Variants in SH3PXD2A observed in about 807,000 individuals in gnomAD.
The protein encoded by SH3PXD2A is SH3 and PX domain-containing protein 2A.
In SH3PXD2A, 32 loss-of-function variants were observed where a neutral mutation model predicts 115.2. The observed-to-expected ratio is 0.28, with a 90% confidence interval of 0.21 to 0.37. SH3PXD2A has a LOEUF of 0.37. Ranked by LOEUF, SH3PXD2A falls within the 10% of genes least tolerant of loss-of-function variation. The pLI is 1.00. For synonymous variants in SH3PXD2A, 610 were observed against 629.1 expected, an observed-to-expected ratio of 0.97 and a Z score of 0.45; for missense variants, 1,328 against 1,498.7, an observed-to-expected ratio of 0.89 and a Z score of 1.88.
At position 103,694,126 on chromosome 10, in the gene SH3PXD2A, G is replaced by C. The variant is rs1360217508; in HGVS notation, c.399-1070C>G. Among the ~76,000 whole-genome samples, 4 of 152,240 alleles carry C rather than the reference G, an allele frequency of 2.6e-5. No individual in the cohort carries two copies. In the South Asian group the frequency reaches 8.3e-4, roughly 31 times the overall value. ...CTAAAGGCTGAAAGTTCTGTTCAGT[G>C]CTCAGGGAACAGTGGAGGGGCTGGC... On this transcript the variant is annotated intron_variant, in intron 5 of 14. Transcript: ENST00000369774.
At position 103,594,078 on chromosome 10, in the gene SH3PXD2A, G is replaced by A. The variant is rs960680502; in HGVS notation, c.*7738C>T. 4 of 152,534 alleles carry A rather than the reference G, an allele frequency of 2.6e-5. No homozygotes were observed. Among genetic ancestry groups the A allele is most frequent in the African/African-American group, 9.7e-5 (4 of 41,422 alleles). The allele number at this position is 152,534 out of a possible 1,614,324, so 9.4% of individuals were successfully genotyped here. Reference sequence around the variant, plus strand: ...TTTAGTTTTCAGGGAAATATAAGATGCATGTAAACATAAAATACAAAACAA... The same window carrying A: ...TTTAGTTTTCAGGGAAATATAAGATACATGTAAACATAAAATACAAAACAA... On this transcript the variant is annotated 3_prime_UTR_variant, in exon 15 of 15. Transcript: ENST00000369774.
chr10:103,689,974 G>A lies in SH3PXD2A; in HGVS notation c.427+3054C>T, dbSNP rs561282009. Among the ~76,000 whole-genome samples the A allele has an allele frequency of 2.0e-5, 3 of 152,192 alleles. No homozygotes were observed. In the South Asian group the frequency reaches 6.2e-4, roughly 32 times the overall value. On this transcript the variant is annotated intron_variant, in intron 6 of 14. Transcript: ENST00000369774. ...CCAGAATGGCATCCATTTCCTCTGC[G>A]CAAATGTCCCTGGCTGGAGTGACCC... is the stretch of plus-strand genomic sequence containing the variant.
Position 103,617,203 on chromosome 10 carries a change from T to C in SH3PXD2A, c.914A>G (p.Tyr305Cys), listed in dbSNP as rs1187868099. Reference protein sequence around the residue: ...VIRKNLEGWWYIRYLGKEGWA... With the variant: ...VIRKNLEGWWCIRYLGKEGWA... Reference sequence around the variant, plus strand: ...TAATGTAAGGGTTCCCTACCTGATATACCACCAGCCTTCCAGATTCTTCCG... The same window carrying C: ...TAATGTAAGGGTTCCCTACCTGATACACCACCAGCCTTCCAGATTCTTCCG... The change falls in exon 11 of 15, where the codon TAT becomes TGT. Residue 305 changes from tyrosine to cysteine, a missense_variant. Coordinates refer to ENST00000369774, the MANE Select transcript of SH3PXD2A (RefSeq NM_001394015.1). The C allele has an allele frequency of 6.2e-7, 1 of 1,611,214 alleles. No homozygotes were observed. Among genetic ancestry groups the C allele is most frequent in the Non-Finnish European group, 8.5e-7 (1 of 1,177,434 alleles).
intron 5 of SH3PXD2A, among the ~76,000 whole-genome samples, chr10:103,719,789 G>A (rs966189485): frequency 7.3e-6 from 1 of 136,702 alleles, no homozygotes; most frequent in African/African-American, 2.9e-5. Flanking sequence ...GTGCGATCTC[G>A]GCTCACTGCA....
rs190701153 is a variant in SH3PXD2A at position 103,756,178 on chromosome 10, G to A, written c.229+10916C>T. On this transcript the variant is annotated intron_variant, in intron 3 of 14. Coordinates refer to ENST00000369774, the MANE Select transcript of SH3PXD2A (RefSeq NM_001394015.1). This position sits in a 1 kb window ranked among gnomAD's most constrained non-coding sequence, Gnocchi z 4.4. ...AGGAGGTATTTTCAGCGCCCAGAACGATGGATCTGCTGGGTGCCAGGCAGC... is the reference window on the plus strand; with the variant it reads ...AGGAGGTATTTTCAGCGCCCAGAACAATGGATCTGCTGGGTGCCAGGCAGC... Among the ~76,000 whole-genome samples, 18 of 152,230 alleles carry A rather than the reference G, an allele frequency of 1.2e-4. No individual in the cohort carries two copies. The highest frequency in any genetic ancestry group is 3.9e-4 in the African/African-American group (16 of 41,550).
intron 4 of SH3PXD2A, among the ~76,000 whole-genome samples, chr10:103,732,332 A>C (rs2038330388): frequency 6.6e-6 from 1 of 152,246 alleles, no homozygotes; most frequent in African/African-American, 2.4e-5. Flanking sequence ...AGACCATTAA[A>C]TATTAACTGC....
chr10:103,835,102 C>A, intron 1 of SH3PXD2A, among the ~76,000 whole-genome samples: 1 of 152,204 alleles, frequency 6.6e-6, no homozygotes. Context: ...GGGACACTGG[C>A]AGAAGCTGTC....
At chr10:103,639,619 A>T (rs1382274405) in intron 8 of SH3PXD2A, among the ~76,000 whole-genome samples, 1 of 95,018 alleles carries the variant, frequency 1.1e-5, no homozygotes, top group East Asian at 2.4e-4. Context: ...AAAAAAAAAA[A>T]AAAAAAAGAA....
chr10:103,673,782 C>A (rs2037494453), intron 6 of SH3PXD2A, among the ~76,000 whole-genome samples: 6 of 152,118 alleles, frequency 3.9e-5, no homozygotes, highest in Admixed American at 3.3e-4. Flanking sequence ...GTGGGAGAGA[C>A]CAGAATGAGT....
At chr10:103,767,814 T>TTTTTG (rs1554921211) in intron 2 of SH3PXD2A, among the ~76,000 whole-genome samples, 1 of 145,386 alleles carries the variant, frequency 6.9e-6, no homozygotes, top group East Asian at 2.0e-4. Flanking sequence ...TGTTTTGTTT[T>TTTTTG]TTTTTTTTTT....
At chr10:103,826,849 C>T (rs552111119) in intron 1 of SH3PXD2A, among the ~76,000 whole-genome samples, 10 of 152,266 alleles carry the variant, frequency 6.6e-5, no homozygotes, top group South Asian at 2.1e-4. Context: ...GATGAGATAA[C>T]GGACATGGCC....
At position 103,665,365 on chromosome 10, in the gene SH3PXD2A, C is replaced by T. The variant is rs2037371018; in HGVS notation, c.472+3243G>A. ...AGAGTTAAATCCACACCCCCACACC[C>T]CTTCCCCCCACCACTTTCCTGGAAA... On this transcript the variant is annotated intron_variant, in intron 7 of 14. Coordinates refer to ENST00000369774, the MANE Select transcript of SH3PXD2A (RefSeq NM_001394015.1). The surrounding 1 kb of genome is among the most constrained non-coding windows in gnomAD (Gnocchi z 4.0). Among the ~76,000 whole-genome samples the T allele has an allele frequency of 6.6e-6, 1 of 152,104 alleles. No individual in the cohort carries two copies. Among genetic ancestry groups the T allele is most frequent in the Non-Finnish European group, 1.5e-5 (1 of 68,012 alleles).
intron 4 of SH3PXD2A, among the ~76,000 whole-genome samples, chr10:103,728,277 C>A (rs577549712): frequency 6.6e-6 from 1 of 152,130 alleles, no homozygotes; most frequent in South Asian, 2.1e-4. Context: ...GGAAGTTAAG[C>A]GAGATGAATA....
chr10:103,794,147 T>C (rs551161091), intron 2 of SH3PXD2A, among the ~76,000 whole-genome samples: 1 of 152,114 alleles, frequency 6.6e-6, no homozygotes, highest in Non-Finnish European at 1.5e-5. Flanking sequence ...AGGTGGGCTG[T>C]TGGGGAGCTG....
chr10:103,795,237 C>T (rs1410404290), intron 2 of SH3PXD2A, among the ~76,000 whole-genome samples: 1 of 152,066 alleles, frequency 6.6e-6, no homozygotes, highest in East Asian at 1.9e-4. Flanking sequence ...TTTTAATTAA[C>T]TTTAATTTAA....
chr10:103,772,500 G>T (rs528302297), intron 2 of SH3PXD2A, among the ~76,000 whole-genome samples: 1 of 152,348 alleles, frequency 6.6e-6, no homozygotes, highest in Admixed American at 6.5e-5. Flanking sequence ...AGGGCCCATC[G>T]CCAGAGTCCT....
At chr10:103,785,883 G>A (rs1434350579) in intron 2 of SH3PXD2A, among the ~76,000 whole-genome samples, 2 of 151,708 alleles carry the variant, frequency 1.3e-5, no homozygotes, top group Non-Finnish European at 2.9e-5. Flanking sequence ...CAGAATCAGG[G>A]CGAGAGAAAA....
chr10:103,608,877 T>A (rs1375865882), intron 13 of SH3PXD2A: 1 of 151,924 alleles, frequency 6.6e-6, no homozygotes, highest in Non-Finnish European at 1.5e-5. Context: ...AGCAGAGAAA[T>A]CTCCTGTAAT....
chr10:103,782,472 G>A (rs958489468), intron 2 of SH3PXD2A, among the ~76,000 whole-genome samples: 2 of 152,194 alleles, frequency 1.3e-5, no homozygotes, highest in South Asian at 2.1e-4. Flanking sequence ...CCTTTAAAGC[G>A]GAGGAGGAGG....
Sources: allele counts gnomAD v4.1 joint callset (sites outside exome capture counted in the v4.1 genomes callset), GRCh38; gene constraint gnomAD v4.1.1; non-coding constraint Gnocchi (gnomAD v3.1); transcripts MANE v1.5; gene names NCBI Gene and HGNC (gene_info 2026-07-23, HGNC 2026-07-21).